SPECC1L: variants seen among roughly 807,000 people sequenced by gnomAD.
The protein encoded by SPECC1L is cytospin-A.
SPECC1L carries 40 observed loss-of-function variants against 116.8 expected under a neutral mutation model. The observed-to-expected ratio is 0.34, with a 90% CI of 0.27 to 0.45. SPECC1L has a LOEUF of 0.45. Ranked by LOEUF, SPECC1L falls within the 20% of genes least tolerant of loss-of-function variation. SPECC1L has a pLI of 1.00. For synonymous variants in SPECC1L, 504 were observed against 500.6 expected (o/e 1.01, Z -0.09); for missense variants, 1,110 against 1,373.6 (o/e 0.81, Z 3.03).
At chr22:24,350,369 C>T (rs550238135) in intron 11 of SPECC1L, among the ~76,000 whole-genome samples, 2 of 152,278 alleles carry the variant, frequency 1.3e-5, no homozygotes, top group South Asian at 4.1e-4. Flanking sequence ...GAGGCATCCT[C>T]AGCACCTGTA....
rs150590695 is a variant in SPECC1L, at chr22:24,414,579, G to A, written c.3310G>A (p.Val1104Met). 2.5e-4 allele frequency: 410 copies of A among 1,613,914 alleles called. No homozygotes were observed. Among genetic ancestry groups the A allele is most frequent in the Non-Finnish European group, 3.3e-4 (392 of 1,179,996 alleles). ...VRTERPDWQN[V>M]MLYVTAIYKY... ...GACTGAACGACCCGACTGGCAGAACGTGATGCTGTATGTGACGGCGATCTA... is the reference window on the plus strand; with the variant it reads ...GACTGAACGACCCGACTGGCAGAACATGATGCTGTATGTGACGGCGATCTA... The change falls in exon 17 of 17, where the codon GTG (valine) becomes ATG (methionine). Residue 1104 changes from valine (V) to methionine (M), a missense_variant. Val to Met is a conservative substitution (Grantham distance 21). This residue lies in a region of SPECC1L where 76 missense variants were observed against 148.5 expected (regional missense o/e 0.51). Coordinates refer to ENST00000314328, the MANE Select transcript of SPECC1L (RefSeq NM_015330.6).
chr22:24,392,104 A>G (rs1371378292), intron 14 of SPECC1L, among the ~76,000 whole-genome samples: 2 of 152,210 alleles, frequency 1.3e-5, no homozygotes, highest in African/African-American at 4.8e-5. Flanking sequence ...CTAAGACCAT[A>G]CAATTGGCTC....
rs780702852 is a variant in SPECC1L at position 24,415,512 on chromosome 22, C to A, written c.*889C>A. The A allele has an allele frequency of 6.6e-6, 1 of 152,586 alleles. No homozygotes were observed. Among genetic ancestry groups the A allele is most frequent in the African/African-American group, 2.4e-5 (1 of 41,442 alleles). 9.5% of individuals were successfully genotyped at this position (152,586 alleles called of 1,614,324 possible). ...ACATTGTTTCAATAAGCATAGAAATCTAAACAACATCTGTACATTAGCATG... is the reference window on the plus strand; with the variant it reads ...ACATTGTTTCAATAAGCATAGAAATATAAACAACATCTGTACATTAGCATG... On this transcript the variant is annotated 3_prime_UTR_variant, in exon 17 of 17. Transcript: ENST00000314328.
At chr22:24,291,507 A>G (rs551253443) in intron 2 of SPECC1L, among the ~76,000 whole-genome samples, 11 of 152,352 alleles carry the variant, frequency 7.2e-5, no homozygotes, top group African/African-American at 2.2e-4. Flanking sequence ...ATAATCTAAT[A>G]TAAGTAGTAG....
intron 2 of SPECC1L, among the ~76,000 whole-genome samples, chr22:24,300,969 G>A (rs2049365614): frequency 6.6e-6 from 1 of 152,138 alleles, no homozygotes; most frequent in African/African-American, 2.4e-5. Context: ...ATTAACTCAA[G>A]CTGGATTAAA....
rs772195820 is a variant in SPECC1L, at chr22:24,399,289, C to T, written c.3088-12299C>T. Among the ~76,000 whole-genome samples, 201 of 152,136 alleles carry T rather than the reference C, an allele frequency of 1.3e-3. 4 individuals carry two copies. Among genetic ancestry groups the T allele is most frequent in the Non-Finnish European group, 4.0e-4 (27 of 68,024 alleles). On this transcript the variant is annotated intron_variant, in intron 14 of 16. Transcript: ENST00000314328. Reference sequence around the variant, plus strand: ...TTCATTTGACTAAAAAAAGTTAAAGCGCCGGGCATGGTGGCTCACGCCTGT... The same window carrying T: ...TTCATTTGACTAAAAAAAGTTAAAGTGCCGGGCATGGTGGCTCACGCCTGT...
intron 14 of SPECC1L, among the ~76,000 whole-genome samples, chr22:24,381,669 G>A (rs536710987): frequency 1.4e-4 from 22 of 152,206 alleles, no homozygotes; most frequent in Non-Finnish European, 2.5e-4. Context: ...CGGATCACGA[G>A]ATCAGGAGAT....
At chr22:24,392,641 G>GCTA (rs1491554711) in intron 14 of SPECC1L, among the ~76,000 whole-genome samples, 31 of 152,220 alleles carry the variant, frequency 2.0e-4, no homozygotes, top group Non-Finnish European at 3.8e-4. Flanking sequence ...CATAGGGCGG[G>GCTA]AGAGAGAGAA....
intron 3 of SPECC1L, among the ~76,000 whole-genome samples, chr22:24,309,381 G>GA (rs2049568040): frequency 6.6e-6 from 1 of 152,094 alleles, no homozygotes; most frequent in South Asian, 2.1e-4. Context: ...GTACAACTGT[G>GA]AAAAACAGTT....
intron 3 of SPECC1L, among the ~76,000 whole-genome samples, chr22:24,305,472 G>A (rs1351121237): frequency 6.6e-6 from 1 of 152,140 alleles, no homozygotes; most frequent in African/African-American, 2.4e-5. Context: ...TATCTGTACT[G>A]TTGCATCTAG....
chr22:24,402,358 T>C (rs555579064), intron 14 of SPECC1L, among the ~76,000 whole-genome samples: 34 of 152,006 alleles, frequency 2.2e-4, no homozygotes, highest in Non-Finnish European at 4.4e-4. Flanking sequence ...TACCCAGAGA[T>C]ATCAATCAAC....
intron 2 of SPECC1L, among the ~76,000 whole-genome samples, chr22:24,277,303 C>G (rs1347025932): frequency 1.3e-5 from 2 of 152,170 alleles, no homozygotes; most frequent in African/African-American, 4.8e-5. Context: ...TGTCATTAAC[C>G]TTTCATATTA....
intron 2 of SPECC1L, among the ~76,000 whole-genome samples, chr22:24,285,764 C>T (rs955200961): frequency 3.3e-5 from 5 of 152,128 alleles, no homozygotes; most frequent in African/African-American, 1.2e-4. Context: ...CTGCCTCAGC[C>T]TTGAGTAGCT....
chr22:24,325,125 G>A (rs1331648292), intron 6 of SPECC1L, among the ~76,000 whole-genome samples: 2 of 152,134 alleles, frequency 1.3e-5, no homozygotes, highest in Admixed American at 1.3e-4. Flanking sequence ...TGTAAAAATT[G>A]AGTTATAATT....
chr22:24,365,193 A>T (rs976089331), intron 12 of SPECC1L, among the ~76,000 whole-genome samples: 1 of 152,064 alleles, frequency 6.6e-6, no homozygotes, highest in Admixed American at 6.6e-5. Flanking sequence ...TTTTTAGTAG[A>T]GACAGGATTT....
intron 14 of SPECC1L, among the ~76,000 whole-genome samples, chr22:24,377,159 C>A (rs192307817): frequency 3.3e-4 from 51 of 152,258 alleles, no homozygotes; most frequent in African/African-American, 1.2e-3. Context: ...AAGGTTCATC[C>A]ATGCTGTAGC....
intron 13 of SPECC1L, among the ~76,000 whole-genome samples, chr22:24,368,203 T>C (rs953634758): frequency 6.6e-6 from 1 of 152,210 alleles, no homozygotes; most frequent in Non-Finnish European, 1.5e-5. Flanking sequence ...AGCCACGGAA[T>C]TTTAACCCCC....
At chr22:24,341,959 G>A (rs1483273413) in intron 10 of SPECC1L, among the ~76,000 whole-genome samples, 2 of 152,184 alleles carry the variant, frequency 1.3e-5, no homozygotes, top group African/African-American at 4.8e-5. Context: ...CAGCCCTGCT[G>A]ACAACCTGAT....
intron 3 of SPECC1L, among the ~76,000 whole-genome samples, chr22:24,305,561 T>C (rs1218649172): frequency 6.6e-6 from 1 of 152,200 alleles, no homozygotes; most frequent in East Asian, 1.9e-4. Flanking sequence ...CTTCTGCTAT[T>C]GGCAGACTTT....
Sources: gnomAD v4.1 joint callset for allele counts (sites outside exome capture counted in the v4.1 genomes callset) on GRCh38, gnomAD v4.1.1 for gene constraint, gnomAD v4.1.1 regional missense constraint, MANE v1.5 for transcripts, NCBI Gene and HGNC (gene_info 2026-07-23, HGNC 2026-07-21) for gene names.